SYCP2: variants seen among roughly 807,000 people sequenced by gnomAD.
The protein encoded by SYCP2 is synaptonemal complex protein 2.
In SYCP2, 55 loss-of-function variants were observed where a neutral mutation model predicts 211.3. The observed-to-expected ratio is 0.26, with a 90% CI of 0.21 to 0.33. The LOEUF is 0.33. SYCP2 is among the 10% of genes least tolerant of loss of function. The pLI is 1.00. For synonymous variants in SYCP2, 570 were observed against 555.2 expected (o/e 1.03, Z -0.37); for missense variants, 1,731 against 1,752.0 (o/e 0.99, Z 0.21).
In SYCP2 at chr20:59,875,314, G is replaced by A. The variant is rs746888927; in HGVS notation, c.3306C>T (p.Pro1102=). 1 of 1,610,724 alleles carries A rather than the reference G, an allele frequency of 6.2e-7. No homozygotes were observed. The highest frequency in any genetic ancestry group is 1.1e-5 in the South Asian group (1 of 90,700). Residue 1102 remains proline, a synonymous_variant, in exon 34 of 45, where the codon CCC becomes CCT. Coordinates refer to ENST00000357552, the MANE Select transcript of SYCP2 (RefSeq NM_014258.4). ...ATGATGGACTGCCAGATAAAGATCT[G>A]GGAGATAAGTCAAGGCAATTATCTC... ...AIRDNCLDLS[P]RSLSGSPSSI...
At chr20:59,897,785 G>A (rs528920716) in intron 18 of SYCP2, among the ~76,000 whole-genome samples, 18 of 152,000 alleles carry the variant, frequency 1.2e-4, no homozygotes, top group South Asian at 2.1e-4. Flanking sequence ...AAAGCTCCAC[G>A]AAGAAATCAA....
In SYCP2 at chr20:59,886,342, C is replaced by CA. The variant is rs549045044; in HGVS notation, c.2492+364dup. 6.9e-4 allele frequency among the ~76,000 whole-genome samples: 105 copies of CA among 151,992 alleles called. 1 individual carries two copies. The South Asian group carries it at 0.017, about 24-fold the overall frequency. ...ACTGCAAAGAATGTACTATTTACTACAAAAAAACTCATATCTGGTTAAATT... is the reference window on the plus strand; with the variant it reads ...ACTGCAAAGAATGTACTATTTACTACAAAAAAAACTCATATCTGGTTAAATT... On this transcript the variant is annotated intron_variant, in intron 25 of 44. Coordinates refer to ENST00000357552, the MANE Select transcript of SYCP2 (RefSeq NM_014258.4).
At chr20:59,893,014 G>T in intron 22 of SYCP2, 128 bp downstream of exon 22, 1 of 715,342 alleles carries the variant, frequency 1.4e-6, no homozygotes, top group East Asian at 2.6e-5. Flanking sequence ...CCATTGTGCT[G>T]TCATAACACT....
chr20:59,906,075 CAA>C (rs1257123472), intron 15 of SYCP2, among the ~76,000 whole-genome samples: 1 of 152,032 alleles, frequency 6.6e-6, no homozygotes, highest in African/African-American at 2.4e-5. Flanking sequence ...TGAGAGAAAT[CAA>C]AGACCTAAAC....
chr20:59,919,312 T>G (rs1372063312), intron 6 of SYCP2, 130 bp from the exon 7 acceptor site: 10 of 667,406 alleles, frequency 1.5e-5, no homozygotes, highest in Non-Finnish European at 2.6e-5. Context: ...TTACTTTTTA[T>G]TAACTAACCA....
At chr20:59,928,048 C>T (rs537563660) in intron 2 of SYCP2, among the ~76,000 whole-genome samples, 19 of 152,100 alleles carry the variant, frequency 1.2e-4, no homozygotes, top group Non-Finnish European at 2.4e-4. Context: ...AATTCTGGAG[C>T]TCAGTATTAG....
intron 15 of SYCP2, among the ~76,000 whole-genome samples, chr20:59,907,041 C>T (rs2060227121): frequency 6.6e-6 from 1 of 152,010 alleles, no homozygotes; most frequent in Non-Finnish European, 1.5e-5. Flanking sequence ...TTATGCAGTT[C>T]CAGTTATAGG....
chr20:59,929,852 G>C (rs925020015), intron 2 of SYCP2, among the ~76,000 whole-genome samples: 1 of 151,770 alleles, frequency 6.6e-6, no homozygotes, highest in Admixed American at 6.6e-5. Flanking sequence ...AAAAAAAAGA[G>C]AATTTTAATT....
chr20:59,932,960 G>A (rs1458608617), intron 1 of SYCP2, among the ~76,000 whole-genome samples: 1 of 152,064 alleles, frequency 6.6e-6, no homozygotes, highest in South Asian at 2.1e-4. Flanking sequence ...CAACAACGAG[G>A]CCGAAGGCGA....
At chr20:59,871,420 T>TTA (rs906663253) in intron 35 of SYCP2, among the ~76,000 whole-genome samples, 16 of 152,002 alleles carry the variant, frequency 1.1e-4, no homozygotes, top group African/African-American at 3.6e-4. Context: ...TTCCAACACC[T>TTA]TATTAAGAGT....
intron 28 of SYCP2, 51 bp downstream of exon 28, chr20:59,881,894 A>C: frequency 7.0e-7 from 1 of 1,434,250 alleles, no homozygotes; most frequent in Non-Finnish European, 9.8e-7. Flanking sequence ...TGCATGGTAA[A>C]TGCAATGTAA....
intron 2 of SYCP2, among the ~76,000 whole-genome samples, chr20:59,926,984 G>A (rs1235505525): frequency 6.6e-6 from 1 of 152,108 alleles, no homozygotes; most frequent in Non-Finnish European, 1.5e-5. Flanking sequence ...CTGGTCTACT[G>A]GAAATATATA....
At chr20:59,886,016 A>C in intron 25 of SYCP2, 52 bp from the exon 26 acceptor site, 14 of 1,333,038 alleles carry the variant, frequency 1.1e-5, no homozygotes, top group African/African-American at 1.5e-5. Context: ...TATCAATATC[A>C]TAAAAGTCAT....
At chr20:59,893,660 T>G in intron 20 of SYCP2, 67 bp from the exon 21 acceptor site, 3 of 1,196,736 alleles carry the variant, frequency 2.5e-6, no homozygotes, top group Non-Finnish European at 3.5e-6. Flanking sequence ...TGTTACAGTA[T>G]TAAGGTTTGA....
In SYCP2 at chr20:59,886,765, A is replaced by T. The variant is rs145124165; in HGVS notation, c.2434T>A (p.Tyr812Asn). 4.6e-4 allele frequency: 732 copies of T among 1,590,888 alleles called. 2 individuals are homozygous for T. Among genetic ancestry groups the T allele is most frequent in the Non-Finnish European group, 4.3e-4 (499 of 1,171,298 alleles). Residue 812 changes from tyrosine to asparagine, a missense_variant, in exon 25 of 45, where the codon TAC becomes AAC. This residue lies in a region of SYCP2 where 1,387 missense variants were observed against 1,351.3 expected (regional missense o/e 1.03). Coordinates refer to ENST00000357552, the MANE Select transcript of SYCP2 (RefSeq NM_014258.4). ...ESLISQINKR[Y>N]KTKDDIKSTR... ...GACTTGATGTCATCTTTTGTTTTGT[A>T]TCTTTTATTGATTTGGCTTATCAAG...
chr20:59,889,886 T>A (rs1343090247), intron 24 of SYCP2, among the ~76,000 whole-genome samples: 1 of 151,774 alleles, frequency 6.6e-6, no homozygotes, highest in African/African-American at 2.4e-5. Context: ...AGAATGATGA[T>A]CATTAAAAAG....
intron 19 of SYCP2, among the ~76,000 whole-genome samples, chr20:59,896,216 T>C (rs2060004375): frequency 6.6e-6 from 1 of 152,098 alleles, no homozygotes; most frequent in Admixed American, 6.6e-5. Flanking sequence ...TATAATAAAT[T>C]ATTAATGTCG....
chr20:59,883,693 G>A (rs1186676316), intron 26 of SYCP2, among the ~76,000 whole-genome samples: 1 of 151,828 alleles, frequency 6.6e-6, no homozygotes, highest in Admixed American at 6.6e-5. Context: ...GTGGTCACCA[G>A]AGGATGGCAG....
Position 59,874,608 on chromosome 20 carries a change from G to C in SYCP2, c.3350-547C>G, listed in dbSNP as rs6092836. 6.1e-3 allele frequency among the ~76,000 whole-genome samples: 929 copies of C among 152,120 alleles called. 9 individuals carry two copies. Among genetic ancestry groups the C allele is most frequent in the African/African-American group, 0.021 (854 of 41,522 alleles). On this transcript the variant is annotated intron_variant, in intron 34 of 44. Coordinates refer to ENST00000357552, the MANE Select transcript of SYCP2 (RefSeq NM_014258.4). ...GGTCCTTAGTACTGAGAACACAATA[G>C]CTACTTTAGAGGAAGCAGAAGTATA...
Sources: allele counts gnomAD v4.1 joint callset (sites outside exome capture counted in the v4.1 genomes callset), GRCh38; gene constraint gnomAD v4.1.1; regional missense constraint gnomAD v4.1.1; transcripts MANE v1.5; gene names NCBI Gene and HGNC (gene_info 2026-07-23, HGNC 2026-07-21).